Variants in PFKFB2 observed in about 807,000 individuals in gnomAD.
PFKFB2 encodes the protein 6-phosphofructo-2-kinase/fructose-2,6-biphosphatase 2, also known as 6-phosphofructo-2-kinase/fructose-2,6-bisphosphatase 2.
Under a neutral mutation model 68.0 loss-of-function variants are expected in PFKFB2, and 53 were observed. The ratio of observed to expected loss-of-function variants is 0.78; its 90% CI spans 0.63 to 0.98. The LOEUF (loss-of-function observed/expected upper bound fraction) is 0.98, where lower values mean the gene tolerates loss of function less well. Among genes scored for constraint, PFKFB2 ranks in the 50% least tolerant of loss-of-function variants. The pLI is 0.00. For missense variants in PFKFB2, 451 were observed against 642.0 expected (o/e 0.70, Z 3.22); for synonymous variants, 222 against 227.6 (o/e 0.98, Z 0.22).
At chr1:207,061,168 TA>T (rs1683099292) in intron 2 of PFKFB2, among the ~76,000 whole-genome samples, 1 of 47,510 alleles carries the variant, frequency 2.1e-5, no homozygotes, top group East Asian at 3.9e-4. Context: ...TATATCTTTA[TA>T]TATATATATA....
intron 1 of PFKFB2, among the ~76,000 whole-genome samples, chr1:207,037,334 C>A (rs1682395433): frequency 6.6e-6 from 1 of 152,150 alleles, no homozygotes. Flanking sequence ...GTGGCTCTTT[C>A]TTCAACTAAC....
In PFKFB2 at chr1:207,073,216, A is replaced by C; in HGVS notation, c.*845A>C. On this transcript the variant is annotated 3_prime_UTR_variant, in exon 15 of 15. Coordinates refer to ENST00000367080, the MANE Select transcript of PFKFB2 (RefSeq NM_006212.2). ...ATGTCTTGGTTTTTATTTTTAATTT[A>C]GAGTCAGGCCTGGGTCTTTTGAGGT... The C allele has an allele frequency of 1.0e-6, 1 of 985,544 alleles. No individual in the cohort carries two copies. Among genetic ancestry groups the C allele is most frequent in the African/African-American group, 1.7e-5 (1 of 57,360 alleles). 61.0% of individuals were successfully genotyped at this position (985,544 alleles called of 1,614,324 possible). A position where few individuals can be genotyped will look rare whatever the true frequency, so the allele number is the denominator to read the frequency against.
chr1:207,047,490 A>G (rs142594091), intron 2 of PFKFB2: 4 of 152,658 alleles, frequency 2.6e-5, no homozygotes, highest in Non-Finnish European at 5.9e-5. Flanking sequence ...GCTTTAAAGT[A>G]TACCACTGAA....
At chr1:207,050,836 G>T (rs1173335674), upstream of PFKFB2, 7 of 1,613,010 alleles carry the variant, frequency 4.3e-6, no homozygotes, top group Non-Finnish European at 5.9e-6. Context: ...CCCGGGTCCG[G>T]CTGGACAGCC....
intron 1 of PFKFB2, among the ~76,000 whole-genome samples, chr1:207,041,711 T>C (rs1435141427): frequency 6.6e-6 from 1 of 152,240 alleles, no homozygotes; most frequent in African/African-American, 2.4e-5. Context: ...CATGTGTCTT[T>C]ATAGCAGAAT....
upstream of PFKFB2, among the ~76,000 whole-genome samples, chr1:207,051,308 TAGTG>T (rs1431410489): frequency 6.6e-6 from 1 of 152,102 alleles, no homozygotes; most frequent in Non-Finnish European, 1.5e-5. Flanking sequence ...ACCTTGCACT[TAGTG>T]AGGTCGGAAA....
At chr1:207,068,992 G>A (rs11120132) in intron 10 of PFKFB2, among the ~76,000 whole-genome samples, 18,075 of 152,146 alleles carry the variant, frequency 0.12, 1,161 homozygotes, top group Admixed American at 0.2. Context: ...TGATCCACCC[G>A]CCTTGGCCAC....
chr1:207,068,092 T>TGTGTG, intron 9 of PFKFB2, 71 bp from the exon 10 acceptor site: 10 of 781,542 alleles, frequency 1.3e-5, no homozygotes, highest in African/African-American at 2.4e-5. Flanking sequence ...TATGTGTGTG[T>TGTGTG]TGAGTGTGTG....
At position 207,074,721 on chromosome 1, in the gene PFKFB2, A is replaced by G. The variant is rs1211011558; in HGVS notation, c.*2350A>G. The G allele has an allele frequency of 3.0e-6, 3 of 985,322 alleles. No individual in the cohort carries two copies. The highest frequency in any genetic ancestry group is 3.6e-6 in the Non-Finnish European group (3 of 829,926). 61.0% of individuals were successfully genotyped at this position (985,322 alleles called of 1,614,324 possible). A position where few individuals can be genotyped will look rare whatever the true frequency, so the allele number is the denominator to read the frequency against. On this transcript the variant is annotated 3_prime_UTR_variant, in exon 15 of 15. Coordinates refer to ENST00000367080, the MANE Select transcript of PFKFB2 (RefSeq NM_006212.2). The stretch of plus-strand genomic sequence containing the variant: ...GCAGGGATAGGGGAAAGCTAAACAG[A>G]AGTAGAAGAAAAGGTCCTTGTCCAG...
chr1:207,047,367 A>G (rs544591795), intron 2 of PFKFB2: 1 of 152,650 alleles, frequency 6.6e-6, no homozygotes, highest in South Asian at 2.1e-4. Context: ...TTTCTCTTAT[A>G]TTGTTCAAAT....
chr1:207,053,937 C>T (rs1682836209), intron 1 of PFKFB2, among the ~76,000 whole-genome samples: 2 of 129,134 alleles, frequency 1.5e-5, no homozygotes, highest in South Asian at 2.4e-4. Flanking sequence ...CAGAGTCTCG[C>T]TCTGTCGCTA....
At position 207,072,351 on chromosome 1, in the gene PFKFB2, A is replaced by T. The variant is rs1683490907; in HGVS notation, c.1498A>T (p.Met500Leu). ...KPLSPLRAQD[M>L]QEGAD ...CCTCAGCCCTCTCCGTGCCCAGGAC[A>T]TGCAAGAAGGGGCCGACTAGCCGAA... The change falls in exon 15 of 15, where the codon ATG (methionine) becomes TTG (leucine). Residue 500 changes from methionine to leucine, a missense_variant. Met to Leu is a conservative substitution (Grantham distance 15, BLOSUM62 2). Coordinates refer to ENST00000367080, the MANE Select transcript of PFKFB2 (RefSeq NM_006212.2). 6 of 1,613,530 alleles carry T rather than the reference A, an allele frequency of 3.7e-6. No individual in the cohort carries two copies. Among genetic ancestry groups the T allele is most frequent in the Non-Finnish European group, 5.1e-6 (6 of 1,179,784 alleles).
At chr1:207,056,313 A>AT (rs1682920176) in intron 2 of PFKFB2, among the ~76,000 whole-genome samples, 1 of 150,854 alleles carries the variant, frequency 6.6e-6, no homozygotes, top group South Asian at 2.1e-4. Context: ...GTGAATAATT[A>AT]TTTTTTCAGT....
At chr1:207,042,541 CTG>C (rs939010337) in intron 2 of PFKFB2, among the ~76,000 whole-genome samples, 1 of 66,954 alleles carries the variant, frequency 1.5e-5, no homozygotes, top group African/African-American at 5.7e-5. Context: ...CAGCAACACT[CTG>C]TCTCACAAAA....
At position 207,075,774 on chromosome 1, in the gene PFKFB2, A is replaced by G; in HGVS notation, c.*3403A>G. The G allele has an allele frequency of 1.0e-6, 1 of 984,072 alleles. No individual in the cohort carries two copies. The highest frequency in any genetic ancestry group is 1.2e-6 in the Non-Finnish European group (1 of 828,666). The allele number at this position is 984,072 out of a possible 1,614,324, so 61.0% of individuals were successfully genotyped here. On this transcript the variant is annotated 3_prime_UTR_variant, in exon 15 of 15. Transcript: ENST00000367080. ...AAGTTTTTTATAAATTTACTTGTCT[A>G]AAGTGGGGAAAGGGAAATTATTCTG...
chr1:207,051,191 G>C (rs1168817679), upstream of PFKFB2: 10 of 1,362,186 alleles, frequency 7.3e-6, no homozygotes, highest in South Asian at 1.5e-4. Context: ...AACGGGTCTT[G>C]CTACCTATAG....
At position 207,061,131 on chromosome 1, in the gene PFKFB2, TTA is replaced by T. The variant is rs1282706089; in HGVS notation, c.86-814_86-813del. 2.2e-3 allele frequency among the ~76,000 whole-genome samples: 246 copies of T among 113,698 alleles called. 7 individuals carry two copies. Among genetic ancestry groups the T allele is most frequent in the African/African-American group, 7.9e-3 (233 of 29,352 alleles). 74.6% of individuals were successfully genotyped at this position (113,698 alleles called of 152,430 possible). On this transcript the variant is annotated intron_variant, in intron 2 of 14. Transcript: ENST00000367080. The stretch of plus-strand genomic sequence containing the variant: ...TATCTATATATCTTTATATATATCT[TTA>T]TATATATCTTTATATATATTTATAT...
In PFKFB2 at chr1:207,073,775, G is replaced by A. The variant is rs1683538894; in HGVS notation, c.*1404G>A. ...GGGAAGAAATTCTTAGCCCCTTGAT[G>A]ACCATGATGGCTTATTCTCTTTCCC... On this transcript the variant is annotated 3_prime_UTR_variant, in exon 15 of 15. Transcript: ENST00000367080. 8.1e-6 allele frequency: 8 copies of A among 984,690 alleles called. No individual in the cohort carries two copies. The African/African-American group carries it at 8.7e-5, about 11-fold the overall frequency. 61.0% of individuals were successfully genotyped at this position (984,690 alleles called of 1,614,324 possible). A position where few individuals can be genotyped will look rare whatever the true frequency, so the allele number is the denominator to read the frequency against.
downstream of PFKFB2, chr1:207,080,230 A>T (rs1448740510): frequency 6.6e-6 from 1 of 152,178 alleles, no homozygotes; most frequent in Non-Finnish European, 1.5e-5. Context: ...AGGAAAGTCT[A>T]TTTTTTAAAG....
Sources: allele counts gnomAD v4.1 joint callset (sites outside exome capture counted in the v4.1 genomes callset), GRCh38; gene constraint gnomAD v4.1.1; transcripts MANE v1.5; gene names NCBI Gene and HGNC (gene_info 2026-07-23, HGNC 2026-07-21).